Variants in SH2D4B observed in about 807,000 individuals in gnomAD.
SH2D4B encodes SH2 domain containing 4B, also known as SH2 domain-containing protein 4B.
Under a neutral mutation model 61.5 loss-of-function variants are expected in SH2D4B, and 45 were observed. The observed-to-expected ratio is 0.73, with a 90% CI of 0.58 to 0.94. SH2D4B has a LOEUF of 0.94. Among genes scored for constraint, SH2D4B ranks in the 40% least tolerant of loss-of-function variants. SH2D4B has a pLI of 0.00. For missense variants in SH2D4B, 572 were observed against 574.2 expected, an observed-to-expected ratio of 1.00 and a Z score of 0.04; for synonymous variants, 224 against 220.4, an observed-to-expected ratio of 1.02 and a Z score of -0.14.
At chr10:80,629,896 C>T (rs1842810794) in intron 6 of SH2D4B, among the ~76,000 whole-genome samples, 1 of 152,192 alleles carries the variant, frequency 6.6e-6, no homozygotes, top group Admixed American at 6.5e-5. Flanking sequence ...GATTTGTGTC[C>T]ATGCTCTTCA....
chr10:80,559,820 C>G (rs1332777846), intron 1 of SH2D4B, among the ~76,000 whole-genome samples: 1 of 150,702 alleles, frequency 6.6e-6, no homozygotes, highest in Non-Finnish European at 1.5e-5. Flanking sequence ...TTACATTTTG[C>G]AGAAATAGGG....
chr10:80,552,958 C>T (rs1034169511), intron 1 of SH2D4B, among the ~76,000 whole-genome samples: 1 of 151,982 alleles, frequency 6.6e-6, no homozygotes, highest in African/African-American at 2.4e-5. Context: ...TCTTGCTGCC[C>T]AGGCTGGAGT....
chr10:80,603,846 G>A (rs1444038355), intron 5 of SH2D4B, 51 bp downstream of exon 5: 3 of 1,533,612 alleles, frequency 2.0e-6, no homozygotes, highest in Non-Finnish European at 2.7e-6. Context: ...CTTGGATTAG[G>A]GCATGGGACA....
Position 80,634,384 on chromosome 10 carries a change from C to A in SH2D4B, c.1088C>A (p.Ser363Tyr). Reference protein sequence around the residue: ...VSEKIWGYTLSYRLQKGFKHF... With the variant: ...VSEKIWGYTLYYRLQKGFKHF... ...GAGAAAATCTGGGGTTACACCCTCT[C>A]CTACCGCCTGCAGAAAGGGTTCAAA... The change falls in exon 7 of 8, where the codon TCC (serine) becomes TAC (tyrosine). Residue 363 changes from serine to tyrosine, a missense_variant. Transcript: ENST00000646907. 4 of 1,550,612 alleles carry A rather than the reference C, an allele frequency of 2.6e-6. No individual in the cohort carries two copies. Among genetic ancestry groups the A allele is most frequent in the Non-Finnish European group, 3.5e-6 (4 of 1,146,998 alleles).
chr10:80,625,620 T>C (rs186554389), intron 6 of SH2D4B, among the ~76,000 whole-genome samples: 167 of 150,952 alleles, frequency 1.1e-3, no homozygotes, highest in African/African-American at 3.9e-3. Flanking sequence ...TCGCCCAGGC[T>C]GGGGTGCAGT....
chr10:80,570,885 GT>G (rs1462279102), intron 2 of SH2D4B, among the ~76,000 whole-genome samples: 1 of 151,766 alleles, frequency 6.6e-6, no homozygotes, highest in Non-Finnish European at 1.5e-5. Flanking sequence ...ATTTTGTTTT[GT>G]TTTTTTGAGA....
chr10:80,586,260 C>T (rs1469071629), intron 3 of SH2D4B, among the ~76,000 whole-genome samples: 2 of 152,206 alleles, frequency 1.3e-5, no homozygotes, highest in East Asian at 1.9e-4. Flanking sequence ...GGAGTGTGGG[C>T]GCACGGCGTG....
intron 6 of SH2D4B, among the ~76,000 whole-genome samples, chr10:80,628,066 T>C (rs1047425596): frequency 6.6e-6 from 1 of 152,180 alleles, no homozygotes; most frequent in Non-Finnish European, 1.5e-5. Flanking sequence ...GGCCTTCCCC[T>C]GTTTCCTCAG....
At chr10:80,588,068 A>G (rs1256168072) in intron 3 of SH2D4B, among the ~76,000 whole-genome samples, 1 of 152,164 alleles carries the variant, frequency 6.6e-6, no homozygotes, top group African/African-American at 2.4e-5. Flanking sequence ...TCCAGGTCCT[A>G]CTGCTTGCGG....
In SH2D4B at chr10:80,644,273, C is replaced by G. The variant is rs1451335101; in HGVS notation, c.*188C>G. ...ACTGGTCTCATCCCAGCGATCGGGA[C>G]AGAAATTGCTAATAGCTCATGCAAC... is the stretch of plus-strand genomic sequence containing the variant. On this transcript the variant is annotated 3_prime_UTR_variant, in exon 8 of 8. Coordinates refer to ENST00000646907, the MANE Select transcript of SH2D4B (RefSeq NM_001388272.1). The G allele has an allele frequency of 5.4e-6, 3 of 559,376 alleles. No individual in the cohort carries two copies. Among genetic ancestry groups the G allele is most frequent in the African/African-American group, 1.9e-5 (1 of 52,852 alleles). The allele number at this position is 559,376 out of a possible 1,614,324, so 34.7% of individuals were successfully genotyped here.
chr10:80,643,538 G>A (rs1018036064), intron 7 of SH2D4B, among the ~76,000 whole-genome samples: 5 of 152,040 alleles, frequency 3.3e-5, no homozygotes, highest in African/African-American at 9.7e-5. Flanking sequence ...ATGCTGTAGG[G>A]GTTGGAGTTG....
intron 1 of SH2D4B, among the ~76,000 whole-genome samples, chr10:80,550,051 C>G (rs1395905634): frequency 2.0e-5 from 3 of 147,064 alleles, no homozygotes; most frequent in Non-Finnish European, 4.4e-5. Flanking sequence ...CAGCCTTAGT[C>G]AGCTAAGGGC....
At chr10:80,615,226 A>G (rs1233171613) in intron 6 of SH2D4B, among the ~76,000 whole-genome samples, 1 of 152,246 alleles carries the variant, frequency 6.6e-6, no homozygotes, top group Admixed American at 6.5e-5. Flanking sequence ...ATCCCATGGC[A>G]CTGCCAATTA....
chr10:80,580,021 G>T (rs886882078), intron 3 of SH2D4B, among the ~76,000 whole-genome samples: 4 of 152,200 alleles, frequency 2.6e-5, no homozygotes, highest in African/African-American at 9.7e-5. Flanking sequence ...CCTGTGCTGT[G>T]AACTGGCAAT....
At chr10:80,589,793 G>T (rs1842305524) in intron 4 of SH2D4B, among the ~76,000 whole-genome samples, 1 of 152,182 alleles carries the variant, frequency 6.6e-6, no homozygotes. Context: ...GCTGGGAAGG[G>T]CACTGTAGGT....
At chr10:80,572,068 G>C (rs1160320927) in intron 3 of SH2D4B, among the ~76,000 whole-genome samples, 1 of 151,868 alleles carries the variant, frequency 6.6e-6, no homozygotes. Context: ...CACTGCGCCC[G>C]GCCGGGCCAA....
chr10:80,581,388 T>C (rs1315285017), intron 3 of SH2D4B, among the ~76,000 whole-genome samples: 2 of 152,238 alleles, frequency 1.3e-5, no homozygotes, highest in Admixed American at 6.5e-5. Context: ...GGCTGAATTA[T>C]GTCCCTGCTA....
At chr10:80,589,857 G>A (rs2132131064) in intron 4 of SH2D4B, among the ~76,000 whole-genome samples, 1 of 152,322 alleles carries the variant, frequency 6.6e-6, no homozygotes, top group South Asian at 2.1e-4. Flanking sequence ...GAATGCCTGG[G>A]AAGTGTGGGG....
chr10:80,626,249 C>T (rs1842766194), intron 6 of SH2D4B, among the ~76,000 whole-genome samples: 1 of 151,786 alleles, frequency 6.6e-6, no homozygotes, highest in Non-Finnish European at 1.5e-5. Context: ...TTATTCTTTT[C>T]CTTGAAAGGT....
Sources: allele counts gnomAD v4.1 joint callset (sites outside exome capture counted in the v4.1 genomes callset), GRCh38; gene constraint gnomAD v4.1.1; transcripts MANE v1.5; gene names NCBI Gene and HGNC (gene_info 2026-07-23, HGNC 2026-07-21).